The following RAD51B variants were observed in gnomAD, a reference collection of about 807,000 sequenced individuals.
RAD51B encodes RAD51 paralog B.
Under a neutral mutation model 42.2 loss-of-function variants are expected in RAD51B, and 38 were observed. That is an observed-to-expected ratio of 0.90 (90% CI 0.70 to 1.18). The LOEUF is 1.18. Among genes scored for constraint, RAD51B ranks in the 50% most tolerant of loss-of-function variants. The pLI is 0.00. For synonymous variants in RAD51B, 154 were observed against 145.2 expected (o/e 1.06, Z -0.43); for missense variants, 373 against 400.7 (o/e 0.93, Z 0.59).
At chr14:68,237,645 A>T (rs2080287737) in intron 7 of RAD51B, among the ~76,000 whole-genome samples, 1 of 149,310 alleles carries the variant, frequency 6.7e-6, no homozygotes, top group South Asian at 2.1e-4. Context: ...TGGATTTGAG[A>T]TTTTTTTCTG....
At chr14:68,433,841 A>G (rs528925797) in intron 9 of RAD51B, among the ~76,000 whole-genome samples, 36 of 152,248 alleles carry the variant, frequency 2.4e-4, no homozygotes, top group African/African-American at 8.4e-4. Context: ...TAGAATTTTC[A>G]GCTTTTCTGC....
chr14:68,002,015 A>G (rs533707266), intron 7 of RAD51B, among the ~76,000 whole-genome samples: 1 of 152,238 alleles, frequency 6.6e-6, no homozygotes, highest in African/African-American at 2.4e-5. Context: ...ATATGTATGT[A>G]TGTATCTTTA....
chr14:68,409,344 A>G (rs546249341), intron 8 of RAD51B, among the ~76,000 whole-genome samples: 4 of 152,320 alleles, frequency 2.6e-5, no homozygotes, highest in South Asian at 2.1e-4. Context: ...GGTAAAGACT[A>G]TATCTCTTAG....
chr14:68,611,407 T>C, exon 11 of RAD51B: 2 of 613,282 alleles, frequency 3.3e-6, no homozygotes, highest in South Asian at 1.9e-5. Context: ...TCTTCTTCTC[T>C]ACATCTTCCT....
intron 4 of RAD51B, among the ~76,000 whole-genome samples, chr14:67,846,008 C>T (rs756817526): frequency 1.3e-5 from 2 of 152,154 alleles, no homozygotes; most frequent in Non-Finnish European, 2.9e-5. Context: ...ACCTTCTGTG[C>T]TGGAGGAGCC....
At chr14:68,069,410 T>C (rs370093627) in intron 7 of RAD51B, among the ~76,000 whole-genome samples, 1 of 152,118 alleles carries the variant, frequency 6.6e-6, no homozygotes, top group South Asian at 2.1e-4. Context: ...CCCAATTAAG[T>C]AGTTTTTAAA....
intron 7 of RAD51B, among the ~76,000 whole-genome samples, chr14:68,231,205 T>A (rs979792105): frequency 8.5e-5 from 13 of 152,196 alleles, no homozygotes; most frequent in African/African-American, 2.9e-4. Flanking sequence ...TATTCTTAAA[T>A]ATTTTCCTTC....
intron 8 of RAD51B, among the ~76,000 whole-genome samples, chr14:68,307,031 G>A (rs1566797944): frequency 6.7e-6 from 1 of 149,952 alleles, no homozygotes; most frequent in Non-Finnish European, 1.5e-5. Flanking sequence ...TCCCTATCTG[G>A]AATTTGACAG....
chr14:68,284,948 C>T (rs903603977), intron 7 of RAD51B, among the ~76,000 whole-genome samples: 1 of 152,086 alleles, frequency 6.6e-6, no homozygotes, highest in Non-Finnish European at 1.5e-5. Context: ...GGGAGCGTGG[C>T]CTTTCTGGAC....
intron 10 of RAD51B, among the ~76,000 whole-genome samples, chr14:68,505,247 G>A (rs142319000): frequency 1.5e-3 from 232 of 152,326 alleles, no homozygotes; most frequent in African/African-American, 5.1e-3. Flanking sequence ...ATTCATCCCT[G>A]TAACCAGAGA....
At chr14:68,102,995 A>G (rs2077316753) in intron 7 of RAD51B, among the ~76,000 whole-genome samples, 1 of 152,168 alleles carries the variant, frequency 6.6e-6, no homozygotes, top group African/African-American at 2.4e-5. Context: ...AAAATGAGGA[A>G]AAAGCCCCTT....
chr14:67,963,545 C>T lies in RAD51B; in HGVS notation c.756+76341C>T, dbSNP rs1440140342. Among the ~76,000 whole-genome samples, 4 of 152,000 alleles carry T rather than the reference C, an allele frequency of 2.6e-5. No individual in the cohort carries two copies. In the South Asian group the frequency reaches 8.3e-4, roughly 32 times the overall value. On this transcript the variant is annotated intron_variant, in intron 7 of 10. Transcript: ENST00000471583. ...ATTTCTTTTTTAACTTATCTTGACC[C>T]CTTTTCTCTTACCATCATTTTAAAT...
chr14:68,402,676 G>A (rs1446777277), intron 8 of RAD51B, among the ~76,000 whole-genome samples: 1 of 152,166 alleles, frequency 6.6e-6, no homozygotes, highest in African/African-American at 2.4e-5. Flanking sequence ...GCACAAACGG[G>A]TGCTGGGTAG....
chr14:68,116,462 A>G (rs440627), intron 7 of RAD51B, among the ~76,000 whole-genome samples: 26,481 of 152,054 alleles, frequency 0.17, 2,507 homozygotes, highest in Middle Eastern at 0.35. Flanking sequence ...ATAAAATCAG[A>G]GTAATAGAAG....
At chr14:68,403,027 G>A (rs2084158527) in intron 8 of RAD51B, among the ~76,000 whole-genome samples, 1 of 152,186 alleles carries the variant, frequency 6.6e-6, no homozygotes. Context: ...AGGCTATCAT[G>A]CATTACATGG....
chr14:68,084,150 G>T (rs2076952381), intron 7 of RAD51B, among the ~76,000 whole-genome samples: 1 of 152,108 alleles, frequency 6.6e-6, no homozygotes, highest in Admixed American at 6.5e-5. Context: ...AATTCCTAAA[G>T]TTGGAACACT....
chr14:68,228,902 C>T (rs1279674741), intron 7 of RAD51B, among the ~76,000 whole-genome samples: 1 of 152,216 alleles, frequency 6.6e-6, no homozygotes, highest in Non-Finnish European at 1.5e-5. Context: ...TTCCTATAGA[C>T]TGTGAACATG....
At position 68,252,997 on chromosome 14, in the gene RAD51B, C is replaced by G. The variant is rs112273403; in HGVS notation, c.757-38887C>G. ...GCTCAGGAGGCTAAGGCAGGAGAAT[C>G]ACTTGAACCTGGGCGGCGGAGGTTG... On this transcript the variant is annotated intron_variant, in intron 7 of 10. Transcript: ENST00000471583. Among the ~76,000 whole-genome samples, 1,391 of 151,778 alleles carry G rather than the reference C, an allele frequency of 9.2e-3. 25 individuals are homozygous for G. Among genetic ancestry groups the G allele is most frequent in the African/African-American group, 0.032 (1,316 of 41,316 alleles).
chr14:67,950,348 C>A (rs1040129318), intron 7 of RAD51B, among the ~76,000 whole-genome samples: 35 of 152,354 alleles, frequency 2.3e-4, no homozygotes, highest in African/African-American at 8.2e-4. Flanking sequence ...GCTTTGCTTG[C>A]ACCTTTATGG....
Sources: allele counts gnomAD v4.1 joint callset (sites outside exome capture counted in the v4.1 genomes callset), GRCh38; gene constraint gnomAD v4.1.1; transcripts MANE v1.5; gene names NCBI Gene and HGNC (gene_info 2026-07-23, HGNC 2026-07-21).